The following TAB2 variants were observed in gnomAD, a reference collection of about 807,000 sequenced individuals.
TAB2 encodes the protein TGF-beta-activated kinase 1 and MAP3K7-binding protein 2.
In TAB2, 3 loss-of-function variants were observed where a neutral mutation model predicts 65.0. That is an observed-to-expected ratio of 0.05 (90% CI 0.02 to 0.12). TAB2 has a LOEUF of 0.12. Ranked by LOEUF, TAB2 falls within the 10% of genes least tolerant of loss-of-function variation. TAB2 has a pLI of 1.00. For synonymous variants in TAB2, 298 were observed against 285.1 expected, an observed-to-expected ratio of 1.05 and a Z score of -0.46; for missense variants, 623 against 840.3, an observed-to-expected ratio of 0.74 and a Z score of 3.20.
intron 1 of TAB2, among the ~76,000 whole-genome samples, chr6:149,326,549 ATTAT>A (rs1177229320): frequency 3.7e-5 from 2 of 54,126 alleles, no homozygotes; most frequent in South Asian, 9.4e-4. Context: ...TGTTTTTGTT[ATTAT>A]TTTTTTTTTT....
At chr6:149,270,589 T>G (rs1040092613) in intron 1 of TAB2, among the ~76,000 whole-genome samples, 2 of 151,184 alleles carry the variant, frequency 1.3e-5, no homozygotes. Flanking sequence ...CTACAATCTA[T>G]ACATCTATCA....
At chr6:149,307,194 T>G (rs1779087674) in intron 1 of TAB2, among the ~76,000 whole-genome samples, 1 of 151,840 alleles carries the variant, frequency 6.6e-6, no homozygotes, top group African/African-American at 2.4e-5. Context: ...CACAAAAGAC[T>G]GGGTTGAATT....
intron 1 of TAB2, among the ~76,000 whole-genome samples, chr6:149,369,523 A>G (rs1048972866): frequency 6.6e-6 from 1 of 152,122 alleles, no homozygotes. Context: ...TGTAGTACCA[A>G]ATTTTTTCAG....
At chr6:149,314,892 C>T (rs576422401), upstream of TAB2, among the ~76,000 whole-genome samples, 3 of 146,470 alleles carry the variant, frequency 2.0e-5, no homozygotes, top group Admixed American at 2.1e-4. Context: ...CCTGTAGTGA[C>T]TACACAGAGC....
chr6:149,384,741 A>T (rs1234867273), intron 3 of TAB2, among the ~76,000 whole-genome samples: 1 of 152,220 alleles, frequency 6.6e-6, no homozygotes, highest in South Asian at 2.1e-4. Context: ...TAGTGTCTTC[A>T]TAGTGGTATA....
chr6:149,363,141 A>T (rs1780909046), intron 1 of TAB2, among the ~76,000 whole-genome samples: 1 of 152,204 alleles, frequency 6.6e-6, no homozygotes, highest in Non-Finnish European at 1.5e-5. Flanking sequence ...TGTAATATAA[A>T]CATTGAATAT....
rs9485374 is a variant in TAB2 at position 149,290,717 on chromosome 6, C to G, written c.-121+71941C>G. Reference sequence around the variant, plus strand: ...AAAAATAGCCAGGTGGGGTAGGGCACACCTGTGGTCCTAGCTACTCAGGAG... The same window carrying G: ...AAAAATAGCCAGGTGGGGTAGGGCAGACCTGTGGTCCTAGCTACTCAGGAG... On this transcript the variant is annotated intron_variant, in intron 1 of 1. Transcript: ENST00000606202. Among the ~76,000 whole-genome samples the G allele has an allele frequency of 5.8e-3, 890 of 152,258 alleles. 12 individuals are homozygous for G. Among genetic ancestry groups the G allele is most frequent in the African/African-American group, 0.021 (856 of 41,554 alleles).
intron 1 of TAB2, chr6:149,342,834 G>C (rs531664293): frequency 6.6e-6 from 1 of 152,240 alleles, no homozygotes; most frequent in South Asian, 2.1e-4. Flanking sequence ...CTATTTCCAG[G>C]TATGCTAAAG....
In TAB2 at chr6:149,261,725, G is replaced by A. The variant is rs147591177; in HGVS notation, c.-121+42949G>A. Among the ~76,000 whole-genome samples, 607 of 152,312 alleles carry A rather than the reference G, an allele frequency of 4.0e-3. 5 individuals carry two copies. Among genetic ancestry groups the A allele is most frequent in the African/African-American group, 0.013 (533 of 41,572 alleles). The stretch of plus-strand genomic sequence containing the variant: ...TGACGAAAAAAGGAAAAAGAGAAAC[G>A]AGGGATCATGTCTCCTCTAGAGAAC... On this transcript the variant is annotated intron_variant, in intron 1 of 1. Coordinates refer to the TAB2 transcript ENST00000606202.
intron 1 of TAB2, among the ~76,000 whole-genome samples, chr6:149,354,413 TA>T (rs1270609563): frequency 2.0e-5 from 3 of 152,228 alleles, no homozygotes; most frequent in Non-Finnish European, 4.4e-5. Flanking sequence ...TTGGACTACA[TA>T]ACACTTTGAA....
At chr6:149,270,948 G>A (rs1778350370) in intron 1 of TAB2, among the ~76,000 whole-genome samples, 1 of 152,154 alleles carries the variant, frequency 6.6e-6, no homozygotes, top group Admixed American at 6.6e-5. Context: ...AAAAAACTGG[G>A]TAGTCAGAGG....
chr6:149,304,302 G>C (rs1779020221), intron 1 of TAB2: 4 of 152,778 alleles, frequency 2.6e-5, no homozygotes, highest in African/African-American at 7.3e-5. Context: ...CACTTTTCTA[G>C]GTTTAAAAGC....
At chr6:149,229,964 G>C (rs146920850) in intron 1 of TAB2, 3 of 152,238 alleles carry the variant, frequency 2.0e-5, no homozygotes, top group Admixed American at 1.3e-4. Flanking sequence ...TCAAAATCTG[G>C]AAATATATTT....
intron 6 of TAB2, among the ~76,000 whole-genome samples, chr6:149,406,645 C>T (rs1294253721): frequency 6.6e-6 from 1 of 152,166 alleles, no homozygotes; most frequent in Non-Finnish European, 1.5e-5. Flanking sequence ...TAGTTTGTTA[C>T]AAGAATTTTC....
chr6:149,277,775 G>A (rs1431358768), intron 1 of TAB2, among the ~76,000 whole-genome samples: 1 of 152,132 alleles, frequency 6.6e-6, no homozygotes, highest in Non-Finnish European at 1.5e-5. Context: ...CTACCATATA[G>A]TATCTATTAG....
At chr6:149,371,707 C>G (rs1045676243) in intron 2 of TAB2, among the ~76,000 whole-genome samples, 1 of 151,850 alleles carries the variant, frequency 6.6e-6, no homozygotes, top group African/African-American at 2.4e-5. Context: ...GTAACTGATT[C>G]ATAGTGAGTA....
chr6:149,244,813 G>A (rs1777675419), intron 1 of TAB2: 1 of 152,122 alleles, frequency 6.6e-6, no homozygotes. Flanking sequence ...GAACCAGGGA[G>A]GTGGAGGTTG....
chr6:149,318,257 C>T (rs896636859), intron 1 of TAB2, among the ~76,000 whole-genome samples: 26 of 142,966 alleles, frequency 1.8e-4, no homozygotes, highest in African/African-American at 6.2e-4. Context: ...CGGGCCTGGG[C>T]TCCGGGGCGT....
intron 1 of TAB2, among the ~76,000 whole-genome samples, chr6:149,363,983 ACCT>A (rs952503135): frequency 2.6e-5 from 4 of 151,858 alleles, no homozygotes; most frequent in African/African-American, 9.7e-5. Context: ...CAACTTTGAC[ACCT>A]CCTTCGCTTT....
Sources: gnomAD v4.1 joint callset for allele counts (sites outside exome capture counted in the v4.1 genomes callset) on GRCh38, gnomAD v4.1.1 for gene constraint, MANE v1.5 for transcripts, NCBI Gene and HGNC (gene_info 2026-07-23, HGNC 2026-07-21) for gene names.